PDE11A: variants seen among roughly 807,000 people sequenced by gnomAD.
The protein encoded by PDE11A is phosphodiesterase 11A.
In PDE11A, 100 loss-of-function variants were observed where a neutral mutation model predicts 100.5. That is an observed-to-expected ratio of 1.00 (90% CI 0.85 to 1.18). The LOEUF (loss-of-function observed/expected upper bound fraction) is 1.18, where lower values mean the gene tolerates loss of function less well. Among genes scored for constraint, PDE11A ranks in the 50% most tolerant of loss-of-function variants. The pLI is 0.00. For synonymous variants in PDE11A, 381 were observed against 420.8 expected, an observed-to-expected ratio of 0.91 and a Z score of 1.16; for missense variants, 1,141 against 1,152.6, an observed-to-expected ratio of 0.99 and a Z score of 0.15.
At chr2:177,806,856 A>G (rs73034272) in intron 9 of PDE11A, among the ~76,000 whole-genome samples, 17,210 of 152,150 alleles carry the variant, frequency 0.11, 1,130 homozygotes, top group African/African-American at 0.19. Context: ...CTGCAGAGAA[A>G]TAAAACCTTA....
At chr2:178,106,796 C>T (rs780079149) in intron 1 of PDE11A, among the ~76,000 whole-genome samples, 11 of 151,800 alleles carry the variant, frequency 7.2e-5, no homozygotes, top group Non-Finnish European at 1.5e-4. Context: ...CTTGTCTCTA[C>T]TAAAAATACA....
At chr2:178,026,714 T>A (rs964944789) in intron 1 of PDE11A, among the ~76,000 whole-genome samples, 1 of 151,846 alleles carries the variant, frequency 6.6e-6, no homozygotes. Context: ...CTTTTTAAAG[T>A]TTTTTAGGTT....
At chr2:178,019,820 G>A (rs1223223154) in intron 1 of PDE11A, among the ~76,000 whole-genome samples, 2 of 152,180 alleles carry the variant, frequency 1.3e-5, no homozygotes, top group African/African-American at 2.4e-5. Flanking sequence ...TTGAGAAACC[G>A]TGGACGGAAG....
chr2:177,890,191 T>C (rs2084507457), intron 4 of PDE11A, among the ~76,000 whole-genome samples: 1 of 152,210 alleles, frequency 6.6e-6, no homozygotes, highest in Non-Finnish European at 1.5e-5. Context: ...TCAAATATCT[T>C]CATCTGGCCA....
At chr2:177,922,361 C>T (rs1403526602) in intron 2 of PDE11A, among the ~76,000 whole-genome samples, 3 of 152,108 alleles carry the variant, frequency 2.0e-5, no homozygotes, top group African/African-American at 4.8e-5. Flanking sequence ...GGGTGCAGCA[C>T]ACCAACATGG....
At chr2:177,997,509 T>G in intron 2 of PDE11A, 1 of 810,050 alleles carries the variant, frequency 1.2e-6, no homozygotes, top group Non-Finnish European at 2.2e-6. Flanking sequence ...TTGATATTGT[T>G]TGTTGCTTTC....
chr2:177,791,190 T>C (rs888769305), intron 9 of PDE11A, among the ~76,000 whole-genome samples: 1 of 151,912 alleles, frequency 6.6e-6, no homozygotes, highest in African/African-American at 2.4e-5. Context: ...ATATACACCA[T>C]GAAATACTAT....
chr2:177,834,629 C>T (rs1461973947), intron 6 of PDE11A, among the ~76,000 whole-genome samples: 1 of 152,152 alleles, frequency 6.6e-6, no homozygotes, highest in Non-Finnish European at 1.5e-5. Flanking sequence ...GCAGTCTTCC[C>T]TTCCCCTGGC....
chr2:177,896,685 T>G (rs1414217703), intron 4 of PDE11A, among the ~76,000 whole-genome samples: 1 of 152,210 alleles, frequency 6.6e-6, no homozygotes, highest in Non-Finnish European at 1.5e-5. Context: ...GACTGGCAAG[T>G]CACACAACCT....
chr2:177,898,048 G>A lies in PDE11A; in HGVS notation c.1302+10C>T, dbSNP rs746109520. Reference sequence around the variant, plus strand: ...CAGTCTTCAACTTTAAAAGATAAAAGATAACTTACTGGTGATTCGATGTCC... The same window carrying A: ...CAGTCTTCAACTTTAAAAGATAAAAAATAACTTACTGGTGATTCGATGTCC... On this transcript the variant is annotated intron_variant, in intron 4 of 19. Coordinates refer to ENST00000286063, the MANE Select transcript of PDE11A (RefSeq NM_016953.4). 8 of 1,601,926 alleles carry A rather than the reference G, an allele frequency of 5.0e-6. No homozygotes were observed. Among genetic ancestry groups the A allele is most frequent in the Middle Eastern group, 1.6e-4 (1 of 6,064 alleles).
intron 1 of PDE11A, chr2:178,039,052 A>G (rs1386263680): frequency 6.6e-6 from 1 of 152,204 alleles, no homozygotes; most frequent in Non-Finnish European, 1.5e-5. Context: ...AAGTCATTCT[A>G]CCATAAAGGC....
chr2:178,000,111 C>A (rs1471715459), intron 2 of PDE11A, among the ~76,000 whole-genome samples: 1 of 152,052 alleles, frequency 6.6e-6, no homozygotes, highest in African/African-American at 2.4e-5. Context: ...GTGAAAATAA[C>A]CTACAATCAT....
chr2:177,648,905 G>T (rs1400767439), intron 19 of PDE11A, among the ~76,000 whole-genome samples: 1 of 151,984 alleles, frequency 6.6e-6, no homozygotes, highest in Non-Finnish European at 1.5e-5. Context: ...TAGATAGTGA[G>T]CTCCTATGGA....
At chr2:177,774,974 A>C (rs958228121) in intron 9 of PDE11A, among the ~76,000 whole-genome samples, 5 of 152,306 alleles carry the variant, frequency 3.3e-5, no homozygotes, top group Admixed American at 3.3e-4. Flanking sequence ...AGGGGTCCTT[A>C]TAAGTGAAAG....
chr2:177,803,565 C>A (rs1197940592), intron 9 of PDE11A, among the ~76,000 whole-genome samples: 1 of 152,020 alleles, frequency 6.6e-6, no homozygotes, highest in African/African-American at 2.4e-5. Context: ...AAAATACTAG[C>A]AAATCAAATC....
intron 1 of PDE11A, among the ~76,000 whole-genome samples, chr2:178,018,908 A>C (rs1358183234): frequency 6.6e-6 from 1 of 152,188 alleles, no homozygotes; most frequent in Non-Finnish European, 1.5e-5. Context: ...TGTGCAACTG[A>C]GTCCCATTTT....
chr2:178,078,630 A>G (rs925027326), intron 2 of PDE11A, among the ~76,000 whole-genome samples: 1 of 152,188 alleles, frequency 6.6e-6, no homozygotes, highest in African/African-American at 2.4e-5. Flanking sequence ...AATCAAGAGT[A>G]TTTTTCACCA....
chr2:177,768,830 T>A (rs1399732013), intron 10 of PDE11A, among the ~76,000 whole-genome samples: 1 of 152,228 alleles, frequency 6.6e-6, no homozygotes, highest in Non-Finnish European at 1.5e-5. Context: ...AATTTATTCA[T>A]CTGTAAAATA....
intron 6 of PDE11A, among the ~76,000 whole-genome samples, chr2:177,824,745 T>C (rs2083200554): frequency 6.6e-6 from 1 of 152,192 alleles, no homozygotes; most frequent in Non-Finnish European, 1.5e-5. Flanking sequence ...AAGTAAATCA[T>C]AGCACATTCA....
Sources: gnomAD v4.1 joint callset for allele counts (sites outside exome capture counted in the v4.1 genomes callset) on GRCh38, gnomAD v4.1.1 for gene constraint, MANE v1.5 for transcripts, NCBI Gene and HGNC (gene_info 2026-07-23, HGNC 2026-07-21) for gene names.